Variants in MED29 observed in about 807,000 individuals in gnomAD.
The protein encoded by MED29 is mediator complex subunit 29.
MED29 carries 14 observed loss-of-function variants against 22.0 expected under a neutral mutation model. That is an observed-to-expected ratio of 0.64 (90% CI 0.42 to 0.99). The LOEUF is 0.99. MED29 is among the 50% of genes least tolerant of loss of function. The pLI, the probability that MED29 is intolerant of heterozygous loss-of-function variation, is 0.00. For missense variants in MED29, 241 were observed against 253.7 expected (o/e 0.95, Z 0.34); for synonymous variants, 123 against 107.8 (o/e 1.14, Z -0.87).
Position 39,397,992 on chromosome 19 carries a change from G to T in MED29, c.*293G>T. On this transcript the variant is annotated 3_prime_UTR_variant, in exon 4 of 4. Transcript: ENST00000315588. ...CTTGCCTGGGTGTGGAGCCCTGGCT[G>T]TCCCCTCTCCCTCAGTCCTTCCTGA... is the stretch of plus-strand genomic sequence containing the variant. 3.7e-6 allele frequency: 2 copies of T among 547,834 alleles called. No individual in the cohort carries two copies. The allele number at this position is 547,834 out of a possible 1,614,324, so 33.9% of individuals were successfully genotyped here. A position where few individuals can be genotyped will look rare whatever the true frequency, so the allele number is the denominator to read the frequency against.
intron 1 of MED29, 151 bp from the exon 2 acceptor site, chr19:39,392,313 G>A: frequency 1.4e-6 from 1 of 698,198 alleles, no homozygotes; most frequent in South Asian, 1.7e-5. Flanking sequence ...TATAGGAATG[G>A]AAACGAATAT....
chr19:39,397,643 A>C lies in MED29; in HGVS notation c.547A>C (p.Asn183His), dbSNP rs1238319384. The C allele has an allele frequency of 6.2e-7, 1 of 1,613,184 alleles. No individual in the cohort carries two copies. The highest frequency in any genetic ancestry group is 8.5e-7 in the Non-Finnish European group (1 of 1,179,956). The change falls in exon 4 of 4, where the codon AAC (asparagine) becomes CAC (histidine). Residue 183 changes from asparagine (N) to histidine (H), a missense_variant. By Grantham distance (68) the Asn-to-His change is moderately conservative. Transcript: ENST00000315588. ...TCACACCGCCCTGCTGGACTGTGCCAACAAGGTCACGGGCAAGACACCCGC... is the reference window on the plus strand; with the variant it reads ...TCACACCGCCCTGCTGGACTGTGCCCACAAGGTCACGGGCAAGACACCCGC... Reference protein sequence around the residue: ...DIHTALLDCANKVTGKTPAPP... With the variant: ...DIHTALLDCAHKVTGKTPAPP...
At position 39,391,452 on chromosome 19, in the gene MED29, G is replaced by A. The variant is rs142029619; in HGVS notation, c.30G>A (p.Ala10=). 1.8e-5 allele frequency: 29 copies of A among 1,613,338 alleles called. No individual in the cohort carries two copies. The highest frequency in any genetic ancestry group is 6.7e-5 in the African/African-American group (5 of 74,930). The change falls in exon 1 of 4, where the codon GCG becomes GCA. Residue 10 remains alanine (A), a synonymous_variant. Coordinates refer to ENST00000315588, the MANE Select transcript of MED29 (RefSeq NM_017592.4). MAASQQQAS[A]ASSAAGVSGP... ...CTGCATCCCAGCAGCAAGCTTCAGC[G>A]GCTTCCTCAGCTGCTGGTGTATCGG...
chr19:39,392,272 C>T (rs1416103558), intron 1 of MED29, among the ~76,000 whole-genome samples, 192 bp from the exon 2 acceptor site: 1 of 151,930 alleles, frequency 6.6e-6, no homozygotes, highest in Non-Finnish European at 1.5e-5. Flanking sequence ...CAGGTGAGAG[C>T]GGGCCTCTGG....
Position 39,397,538 on chromosome 19 carries a change from G to A in MED29, c.442G>A (p.Asp148Asn), listed in dbSNP as rs1231790017. The change falls in exon 4 of 4, where the codon GAC becomes AAC. Residue 148 changes from aspartate (D) to asparagine (N), a missense_variant. Transcript: ENST00000315588. ...GTTGGTGCCCACAGCCACCAAGCCC[G>A]ACGCAGTGCAGCCTGACAGCCTCCC... ...PTLVPTATKP[D>N]AVQPDSLPYP... is the part of the protein sequence containing the mutation. The A allele has an allele frequency of 1.2e-6, 2 of 1,613,278 alleles. No individual in the cohort carries two copies. The highest frequency in any genetic ancestry group is 2.2e-5 in the East Asian group (1 of 44,884).
At chr19:39,395,411 A>C (rs2078422885) in intron 3 of MED29, among the ~76,000 whole-genome samples, 1 of 151,892 alleles carries the variant, frequency 6.6e-6, no homozygotes, top group Non-Finnish European at 1.5e-5. Flanking sequence ...AAATGAGGGG[A>C]GGTTGAACCC....
At chr19:39,392,404 GCCA>G in intron 1 of MED29, 57 bp from the exon 2 acceptor site, 1 of 1,284,480 alleles carries the variant, frequency 7.8e-7, no homozygotes, top group Non-Finnish European at 1.1e-6. Flanking sequence ...GTGTAGATCT[GCCA>G]GAGGTATTCC....
Position 39,397,786 on chromosome 19 carries a change from C to T in MED29, c.*87C>T, listed in dbSNP as rs1478760716. On this transcript the variant is annotated 3_prime_UTR_variant, in exon 4 of 4. Transcript: ENST00000315588. ...GCGTCCTGGGCCTAAACACAGCAGCCTCCTCTCTTCCTGCCTGAGCACCGC... is the reference window on the plus strand; with the variant it reads ...GCGTCCTGGGCCTAAACACAGCAGCTTCCTCTCTTCCTGCCTGAGCACCGC... 1 of 1,516,128 alleles carries T rather than the reference C, an allele frequency of 6.6e-7. No individual in the cohort carries two copies. The highest frequency in any genetic ancestry group is 2.0e-5 in the Admixed American group (1 of 51,160). 93.9% of individuals were successfully genotyped at this position (1,516,128 alleles called of 1,614,324 possible).
chr19:39,392,304 A>G (rs979908006), intron 1 of MED29, among the ~76,000 whole-genome samples, 160 bp from the exon 2 acceptor site: 2 of 152,200 alleles, frequency 1.3e-5, no homozygotes, highest in African/African-American at 4.8e-5. Context: ...GGTGACAGCT[A>G]TAGGAATGGA....
At chr19:39,392,892 A>G (rs530795951) in intron 2 of MED29, 63 of 202,524 alleles carry the variant, frequency 3.1e-4, no homozygotes, top group Admixed American at 5.3e-4. Flanking sequence ...AGCCTCACGA[A>G]TCACTTCTCC....
rs191798085 is a variant in MED29, at chr19:39,397,964, A to G, written c.*265A>G. ...TTCTCTGTTCCACAGGCCCTCCCCCATTCTTGCCTGGGTGTGGAGCCCTGG... is the reference window on the plus strand; with the variant it reads ...TTCTCTGTTCCACAGGCCCTCCCCCGTTCTTGCCTGGGTGTGGAGCCCTGG... On this transcript the variant is annotated 3_prime_UTR_variant, in exon 4 of 4. Coordinates refer to ENST00000315588, the MANE Select transcript of MED29 (RefSeq NM_017592.4). The G allele has an allele frequency of 2.5e-3, 1,405 of 569,082 alleles. 9 individuals are homozygous for G. Among genetic ancestry groups the G allele is most frequent in the South Asian group, 0.01 (389 of 38,674 alleles). 35.3% of individuals were successfully genotyped at this position (569,082 alleles called of 1,614,324 possible).
At chr19:39,393,836 C>A (rs1378630135) in intron 3 of MED29, among the ~76,000 whole-genome samples, 199 bp downstream of exon 3, 1 of 152,226 alleles carries the variant, frequency 6.6e-6, no homozygotes. Context: ...AATAAGCACA[C>A]CCCTAAACAG....
Position 39,392,437 on chromosome 19 carries a change from C to T in MED29, c.217-27C>T, listed in dbSNP as rs73547934. 1,811 of 1,610,012 alleles carry T rather than the reference C, an allele frequency of 1.1e-3. 17 individuals carry two copies. The African/African-American group carries it at 0.022, about 19-fold the overall frequency. On this transcript the variant is annotated intron_variant, in intron 1 of 3. Transcript: ENST00000315588. ...TATTCCCTTTTGTTTTTCCATTTCC[C>T]ACGTGTTTTGTTTTTGTTTTGACTA...
In MED29 at chr19:39,398,900, C is replaced by G. The variant is rs554832049; in HGVS notation, c.*1201C>G. 20 of 152,322 alleles carry G rather than the reference C, an allele frequency of 1.3e-4. No individual in the cohort carries two copies. The highest frequency in any genetic ancestry group is 4.8e-4 in the African/African-American group (20 of 41,556). 9.4% of individuals were successfully genotyped at this position (152,322 alleles called of 1,614,324 possible). A position where few individuals can be genotyped will look rare whatever the true frequency, so the allele number is the denominator to read the frequency against. ...ACCATGGATACCTCTGTGATTCACG[C>G]TGAGCCCAAGTCCCCACACTGGAAA... On this transcript the variant is annotated 3_prime_UTR_variant, in exon 4 of 4. Coordinates refer to ENST00000315588, the MANE Select transcript of MED29 (RefSeq NM_017592.4).
At chr19:39,392,004 A>G (rs184439697) in intron 1 of MED29, among the ~76,000 whole-genome samples, 20 of 152,282 alleles carry the variant, frequency 1.3e-4, no homozygotes, top group South Asian at 1.0e-3. Context: ...CAGCCTGGGC[A>G]ACAGAGCGAG....
At position 39,397,695 on chromosome 19, in the gene MED29, T is replaced by G; in HGVS notation, c.599T>G (p.Leu200Arg). Reference sequence around the variant, plus strand: ...CCACCTGCTGGCCCTGGGGGCACTCTGTGAAGTGGGGGACAGGGAGTGGGG... The same window carrying G: ...CCACCTGCTGGCCCTGGGGGCACTCGGTGAAGTGGGGGACAGGGAGTGGGG... Reference protein sequence around the residue: ...PAPPAGPGGTL With the variant: ...PAPPAGPGGTR The change falls in exon 4 of 4, where the codon CTG becomes CGG. Residue 200 changes from leucine (L) to arginine (R), a missense_variant. By Grantham distance (102) the Leu-to-Arg change is moderately radical. Transcript: ENST00000315588. 6.2e-7 allele frequency: 1 copy of G among 1,607,934 alleles called. No homozygotes were observed. Among genetic ancestry groups the G allele is most frequent in the Non-Finnish European group, 8.5e-7 (1 of 1,179,334 alleles).
intron 2 of MED29, 66 bp from the exon 3 acceptor site, chr19:39,393,487 G>C (rs2078411019): frequency 1.2e-5 from 17 of 1,412,484 alleles, no homozygotes; most frequent in Admixed American, 1.7e-5. Context: ...CACTTGGTTG[G>C]GTAGATACTG....
intron 3 of MED29, among the ~76,000 whole-genome samples, chr19:39,395,469 C>T (rs58587357): frequency 0.11 from 16,233 of 152,138 alleles, 1,044 homozygotes; most frequent in Admixed American, 0.21. Context: ...CCAAGGACGC[C>T]TGGACTGGGC....
rs746927119 is a variant in MED29, at chr19:39,397,471, G to A, written c.375G>A (p.Glu125=). ...QLELCLRLAH[E]CLSQSCDSAK... ...CCTGTCCACAGCGCCTGGCGCATGA[G>A]TGCCTGTCACAGAGTTGTGACAGTG... Residue 125 remains glutamate (E), a synonymous_variant, in exon 4 of 4, where the codon GAG becomes GAA. Transcript: ENST00000315588. 1 of 1,606,448 alleles carries A rather than the reference G, an allele frequency of 6.2e-7. No individual in the cohort carries two copies. Among genetic ancestry groups the A allele is most frequent in the East Asian group, 2.2e-5 (1 of 44,886 alleles).
Sources: allele counts gnomAD v4.1 joint callset (sites outside exome capture counted in the v4.1 genomes callset), GRCh38; gene constraint gnomAD v4.1.1; transcripts MANE v1.5; gene names NCBI Gene and HGNC (gene_info 2026-07-23, HGNC 2026-07-21).